The following SYT14 variants were observed in gnomAD, a reference collection of about 807,000 sequenced individuals.
SYT14 encodes the protein synaptotagmin-14.
In SYT14, 32 loss-of-function variants were observed where a neutral mutation model predicts 74.2. That is an observed-to-expected ratio of 0.43 (90% CI 0.33 to 0.58). SYT14 has a LOEUF of 0.58. SYT14 is among the 20% of genes least tolerant of loss of function. The pLI is 0.05. For missense variants in SYT14, 791 were observed against 981.8 expected (o/e 0.81, Z 2.60); for synonymous variants, 298 against 337.7 (o/e 0.88, Z 1.29).
At chr1:210,134,311 T>G (rs925493151) in intron 7 of SYT14, among the ~76,000 whole-genome samples, 17 of 152,044 alleles carry the variant, frequency 1.1e-4, no homozygotes, top group African/African-American at 4.1e-4. Flanking sequence ...CTCACTATGT[T>G]GCCAGGGCTC....
At chr1:210,107,583 A>G (rs892910632) in intron 7 of SYT14, among the ~76,000 whole-genome samples, 31 of 152,196 alleles carry the variant, frequency 2.0e-4, no homozygotes, top group African/African-American at 7.5e-4. Flanking sequence ...CTAATATGCT[A>G]ATGTAGTTAA....
At chr1:210,014,112 G>A (rs552658749) in intron 3 of SYT14, among the ~76,000 whole-genome samples, 4 of 152,248 alleles carry the variant, frequency 2.6e-5, no homozygotes, top group East Asian at 3.9e-4. Context: ...ACTTTGTGTA[G>A]TGTACTTCCA....
intron 5 of SYT14, among the ~76,000 whole-genome samples, chr1:210,033,301 A>C (rs2080582709): frequency 6.6e-6 from 1 of 151,830 alleles, no homozygotes. Flanking sequence ...ATTCATGTTA[A>C]ATAATTACAG....
At chr1:209,939,001 C>T (rs1414625181) in intron 1 of SYT14, among the ~76,000 whole-genome samples, 2 of 152,078 alleles carry the variant, frequency 1.3e-5, no homozygotes, top group Non-Finnish European at 2.9e-5. Flanking sequence ...GTTATAGTGC[C>T]ACAATGCTCA....
At chr1:209,996,031 G>T (rs1294560323) in intron 2 of SYT14, among the ~76,000 whole-genome samples, 1 of 152,046 alleles carries the variant, frequency 6.6e-6, no homozygotes, top group African/African-American at 2.4e-5. Context: ...AATTTAGAAA[G>T]ATCTCAAATG....
rs750468854 is a variant in SYT14 at position 210,021,264 on chromosome 1, G to A, written c.1312+10G>A. On this transcript the variant is annotated intron_variant, in intron 5 of 9. Transcript: ENST00000637265. Reference sequence around the variant, plus strand: ...GCATCAATAGATGAAGGTAAGATGGGCTGTTTTATTTTTTTTACATGACAC... The same window carrying A: ...GCATCAATAGATGAAGGTAAGATGGACTGTTTTATTTTTTTTACATGACAC... 6.2e-7 allele frequency: 1 copy of A among 1,611,530 alleles called. No homozygotes were observed. Among genetic ancestry groups the A allele is most frequent in the Non-Finnish European group, 8.5e-7 (1 of 1,177,852 alleles).
chr1:210,163,786 C>T (rs565146457), exon 10 of SYT14: 44 of 453,724 alleles, frequency 9.7e-5, no homozygotes, highest in African/African-American at 2.0e-4. Flanking sequence ...ATCTAATGTA[C>T]GAGACAGTAC....
At position 210,004,275 on chromosome 1, in the gene SYT14, T is replaced by C. The variant is rs2079951827; in HGVS notation, c.-485-9358T>C. On this transcript the variant is annotated intron_variant, in intron 2 of 9. Coordinates refer to ENST00000637265, the Ensembl canonical transcript of SYT14. ...TATATTGAGGTCCTTAGTGTATCTT[T>C]CTTTCTTTCAGAGAATTAGCAATCA... Among the ~76,000 whole-genome samples, 4 of 152,182 alleles carry C rather than the reference T, an allele frequency of 2.6e-5. No individual in the cohort carries two copies. In the South Asian group the frequency reaches 8.3e-4, roughly 32 times the overall value.
chr1:210,166,306 CT>C (rs2083454640), exon 10 of SYT14: 2 of 152,364 alleles, frequency 1.3e-5, no homozygotes, highest in East Asian at 3.9e-4. Flanking sequence ...TGGCTTACGC[CT>C]GTAATCCCAA....
At chr1:210,106,253 G>A (rs2082155562) in intron 7 of SYT14, among the ~76,000 whole-genome samples, 1 of 152,188 alleles carries the variant, frequency 6.6e-6, no homozygotes, top group Non-Finnish European at 1.5e-5. Context: ...GAGAAGTCAA[G>A]CTGCAGTGCA....
rs145685149 is a variant in SYT14 at position 210,126,132 on chromosome 1, G to A, written c.2034+25671G>A. Among the ~76,000 whole-genome samples the A allele has an allele frequency of 7.9e-3, 1,197 of 152,040 alleles. 11 individuals carry two copies. The highest frequency in any genetic ancestry group is 0.027 in the African/African-American group (1,125 of 41,452). ...ACAGGAGAATTGCTTGAACCAAGGA[G>A]TCAGAGGCCACTGTGAGCTGAGATC... On this transcript the variant is annotated intron_variant, in intron 7 of 9. Coordinates refer to ENST00000637265, the Ensembl canonical transcript of SYT14.
chr1:210,116,706 T>C (rs536397247), intron 7 of SYT14, among the ~76,000 whole-genome samples: 1 of 152,272 alleles, frequency 6.6e-6, no homozygotes, highest in Non-Finnish European at 1.5e-5. Context: ...AGAGACTGTT[T>C]TATTTATATG....
At chr1:210,105,161 A>G (rs1001745873) in intron 7 of SYT14, among the ~76,000 whole-genome samples, 30 of 152,200 alleles carry the variant, frequency 2.0e-4, no homozygotes, top group African/African-American at 7.2e-4. Context: ...GGGCCCAGCA[A>G]TCTGCATTTT....
chr1:209,989,780 A>G (rs558833308), intron 2 of SYT14, among the ~76,000 whole-genome samples: 1 of 152,302 alleles, frequency 6.6e-6, no homozygotes, highest in African/African-American at 2.4e-5. Flanking sequence ...ATGAAAATAT[A>G]TTTAGTAAAT....
At chr1:210,100,106 A>G (rs2082035958) in exon 7 of SYT14, 1 of 1,613,992 alleles carries the variant, frequency 6.2e-7, no homozygotes, top group South Asian at 1.1e-5. Flanking sequence ...ACTTTTGACT[A>G]TGACTCACAA....
intron 2 of SYT14, among the ~76,000 whole-genome samples, chr1:209,993,666 G>A (rs1270857905): frequency 6.6e-6 from 1 of 152,110 alleles, no homozygotes; most frequent in Non-Finnish European, 1.5e-5. Context: ...CTGGCAGCCC[G>A]GAACACCTAA....
chr1:210,079,491 T>C (rs1250898351), intron 5 of SYT14, among the ~76,000 whole-genome samples: 1 of 152,170 alleles, frequency 6.6e-6, no homozygotes, highest in Non-Finnish European at 1.5e-5. Context: ...TGAAGATATT[T>C]TTGCCATCAC....
At position 210,093,927 on chromosome 1, in the gene SYT14, G is replaced by T. The variant is rs566964194; in HGVS notation, c.1313-395G>T. ...AACAAGCAGAGGTATTATTATGTTTGTTTTTCCAACCATATTTGTATCGCT... is the reference window on the plus strand; with the variant it reads ...AACAAGCAGAGGTATTATTATGTTTTTTTTTCCAACCATATTTGTATCGCT... On this transcript the variant is annotated intron_variant, in intron 5 of 9. Coordinates refer to ENST00000637265, the Ensembl canonical transcript of SYT14. Among the ~76,000 whole-genome samples the T allele has an allele frequency of 7.2e-5, 11 of 152,282 alleles. No homozygotes were observed. The East Asian group carries it at 1.7e-3, about 24-fold the overall frequency.
intron 2 of SYT14, among the ~76,000 whole-genome samples, chr1:209,986,344 G>C (rs891198972): frequency 6.6e-6 from 1 of 152,170 alleles, no homozygotes; most frequent in Non-Finnish European, 1.5e-5. Flanking sequence ...GGTGGCTCAT[G>C]CCTGTAGTCC....
Sources: allele counts gnomAD v4.1 joint callset (sites outside exome capture counted in the v4.1 genomes callset), GRCh38; gene constraint gnomAD v4.1.1; transcripts MANE v1.5; gene names NCBI Gene and HGNC (gene_info 2026-07-23, HGNC 2026-07-21).